The following RABEP1 variants were observed in gnomAD, a reference collection of about 807,000 sequenced individuals.
RABEP1 encodes rab GTPase-binding effector protein 1.
RABEP1 carries 51 observed loss-of-function variants against 123.4 expected under a neutral mutation model. The observed-to-expected ratio is 0.41, with a 90% confidence interval of 0.33 to 0.52. RABEP1 has a LOEUF of 0.52. Among genes scored for constraint, RABEP1 ranks in the 20% least tolerant of loss-of-function variants. The pLI is 0.16. For missense variants in RABEP1, 888 were observed against 996.3 expected, an observed-to-expected ratio of 0.89 and a Z score of 1.46; for synonymous variants, 347 against 355.2, an observed-to-expected ratio of 0.98 and a Z score of 0.26.
intron 15 of RABEP1, among the ~76,000 whole-genome samples, chr17:5,379,734 C>A (rs1426538574): frequency 2.0e-5 from 3 of 152,226 alleles, no homozygotes; most frequent in Non-Finnish European, 2.9e-5. Flanking sequence ...CCTAAATCAT[C>A]TCCATATTGA....
chr17:5,294,950 G>C (rs188902452), intron 1 of RABEP1, among the ~76,000 whole-genome samples: 1 of 151,430 alleles, frequency 6.6e-6, no homozygotes, highest in Non-Finnish European at 1.5e-5. Flanking sequence ...CCGGCCAACG[G>C]TATTGTCTTT....
Position 5,335,069 on chromosome 17 carries a change from A to G in RABEP1, c.368-115A>G, listed in dbSNP as rs541217061. 7.2e-6 allele frequency: 6 copies of G among 829,418 alleles called. No homozygotes were observed. In the South Asian group the frequency reaches 1.4e-4, roughly 19 times the overall value. The allele number at this position is 829,418 out of a possible 1,614,324, so 51.4% of individuals were successfully genotyped here. A position where few individuals can be genotyped will look rare whatever the true frequency, so the allele number is the denominator to read the frequency against. On this transcript the variant is annotated intron_variant, in intron 3 of 17. Coordinates refer to ENST00000537505, the MANE Select transcript of RABEP1 (RefSeq NM_004703.6). ...AGTTTGTCTTGTTTTTTAGTGAATTAAACATTTTCCAGAAATTAGACGTAA... is the reference window on the plus strand; with the variant it reads ...AGTTTGTCTTGTTTTTTAGTGAATTGAACATTTTCCAGAAATTAGACGTAA...
intron 6 of RABEP1, among the ~76,000 whole-genome samples, chr17:5,349,314 TGCTGGTCTAAG>T (rs1446824281): frequency 3.3e-5 from 5 of 152,142 alleles, no homozygotes; most frequent in Non-Finnish European, 7.4e-5. Context: ...AAGTCATAAG[TGCTGGTCTAAG>T]GCAGAAGCCA....
Position 5,362,978 on chromosome 17 carries a change from C to G in RABEP1, c.1630C>G (p.Gln544Glu), listed in dbSNP as rs774904645. The change falls in exon 10 of 18, where the codon CAA becomes GAA. Residue 544 changes from glutamine to glutamate, a missense_variant. Transcript: ENST00000537505. ...GTGTTCCAATTACGAAAAACAGTTA[C>G]AAGGAATTCAGATTCAGGAGGCTGA... ...DMCSNYEKQLQGIQIQEAETR... is the reference protein window; with the variant it reads ...DMCSNYEKQLEGIQIQEAETR... The G allele has an allele frequency of 1.9e-6, 3 of 1,613,734 alleles. No individual in the cohort carries two copies. Among genetic ancestry groups the G allele is most frequent in the East Asian group, 4.5e-5 (2 of 44,878 alleles).
At chr17:5,312,395 C>A (rs968542131) in intron 2 of RABEP1, among the ~76,000 whole-genome samples, 4 of 152,182 alleles carry the variant, frequency 2.6e-5, no homozygotes, top group Non-Finnish European at 5.9e-5. Flanking sequence ...AAATGATCTG[C>A]CCGCCTCAGC....
intron 2 of RABEP1, among the ~76,000 whole-genome samples, chr17:5,318,851 T>C (rs1311338275): frequency 6.6e-6 from 1 of 152,176 alleles, no homozygotes; most frequent in Non-Finnish European, 1.5e-5. Flanking sequence ...ATAAAAGTTA[T>C]ACACTGCAGC....
In RABEP1 at chr17:5,385,107, C is replaced by G; in HGVS notation, c.*1884C>G. The G allele has an allele frequency of 4.4e-6, 1 of 229,518 alleles. No homozygotes were observed. Among genetic ancestry groups the G allele is most frequent in the Non-Finnish European group, 8.6e-6 (1 of 115,746 alleles). 14.2% of individuals were successfully genotyped at this position (229,518 alleles called of 1,614,324 possible). On this transcript the variant is annotated 3_prime_UTR_variant, in exon 18 of 18. Transcript: ENST00000537505. ...TCACAATTAGGGAATGGTTAGTGGT[C>G]TCTACTGTGGCAAATGCCAACTGTT...
At position 5,282,571 on chromosome 17, in the gene RABEP1, G is replaced by GCGTCGC. The variant is rs1333652322; in HGVS notation, c.34+52_34+57dup. On this transcript the variant is annotated intron_variant, in intron 1 of 17. Coordinates refer to ENST00000537505, the MANE Select transcript of RABEP1 (RefSeq NM_004703.6). ...GGCGGGCGCGGCCTGCCCGGCGTCG[G>GCGTCGC]CGTCGCGGGAGGATTTCGGGGCGGG... The GCGTCGC allele has an allele frequency of 6.3e-6, 7 of 1,116,568 alleles. No individual in the cohort carries two copies. In the African/African-American group the frequency reaches 6.6e-5, roughly 11 times the overall value. 69.2% of individuals were successfully genotyped at this position (1,116,568 alleles called of 1,614,324 possible).
intron 1 of RABEP1, among the ~76,000 whole-genome samples, chr17:5,299,134 T>C (rs1429393194): frequency 6.6e-6 from 1 of 152,136 alleles, no homozygotes; most frequent in African/African-American, 2.4e-5. Flanking sequence ...GGAGGGGGTG[T>C]GGTGGGAGGA....
At chr17:5,364,710 CA>C (rs200314940) in intron 10 of RABEP1, among the ~76,000 whole-genome samples, 17,056 of 112,514 alleles carry the variant, frequency 0.15, 1,369 homozygotes, top group East Asian at 0.47. Flanking sequence ...ACTCTTGTCT[CA>C]AAAAAAAAAA....
intron 1 of RABEP1, among the ~76,000 whole-genome samples, chr17:5,291,080 G>A (rs763082898): frequency 5.3e-5 from 8 of 152,006 alleles, no homozygotes; most frequent in Non-Finnish European, 1.2e-4. Context: ...CAAAATTAAG[G>A]CTCCAATTTT....
chr17:5,297,741 T>TC (rs1376577500), intron 1 of RABEP1, among the ~76,000 whole-genome samples: 1 of 152,142 alleles, frequency 6.6e-6, no homozygotes, highest in Non-Finnish European at 1.5e-5. Context: ...CTATTATTAG[T>TC]CCCCCTTGTT....
chr17:5,348,440 A>G (rs1316038307), intron 6 of RABEP1, among the ~76,000 whole-genome samples: 1 of 152,256 alleles, frequency 6.6e-6, no homozygotes, highest in Non-Finnish European at 1.5e-5. Context: ...TTAGAATACA[A>G]GAGGCAATGG....
At chr17:5,339,881 T>G (rs1160089004) in intron 5 of RABEP1, among the ~76,000 whole-genome samples, 1 of 152,076 alleles carries the variant, frequency 6.6e-6, no homozygotes, top group African/African-American at 2.4e-5. Flanking sequence ...AAAGCTGATA[T>G]ACCAAGTGTA....
At chr17:5,300,443 G>A (rs1011962559) in intron 1 of RABEP1, among the ~76,000 whole-genome samples, 17 of 152,248 alleles carry the variant, frequency 1.1e-4, no homozygotes, top group African/African-American at 4.1e-4. Context: ...TTACATACAT[G>A]GCTTATCAGT....
At chr17:5,301,666 G>C (rs1002963386) in intron 1 of RABEP1, among the ~76,000 whole-genome samples, 2 of 151,966 alleles carry the variant, frequency 1.3e-5, no homozygotes, top group African/African-American at 4.8e-5. Flanking sequence ...TCTTAGACCA[G>C]TAACAGTCTG....
chr17:5,352,121 T>C (rs1282102373), intron 7 of RABEP1, among the ~76,000 whole-genome samples: 1 of 152,220 alleles, frequency 6.6e-6, no homozygotes, highest in Non-Finnish European at 1.5e-5. Flanking sequence ...TTTCTTCTTT[T>C]TTAAATTTCC....
Position 5,300,063 on chromosome 17 carries a change from G to A in RABEP1, c.35-8631G>A, listed in dbSNP as rs533183901. On this transcript the variant is annotated intron_variant, in intron 1 of 17. Transcript: ENST00000537505. ...TCTAAACTGCTTTTTCTCTCTGATT[G>A]GACTCCAGGCAAAACTGAGGGTTAT... 5.9e-5 allele frequency among the ~76,000 whole-genome samples: 9 copies of A among 152,052 alleles called. No homozygotes were observed. The South Asian group carries it at 1.9e-3, about 32-fold the overall frequency.
At chr17:5,327,608 T>C (rs1250011616) in intron 2 of RABEP1, among the ~76,000 whole-genome samples, 2 of 152,148 alleles carry the variant, frequency 1.3e-5, no homozygotes. Context: ...TTGGGGATGA[T>C]TTGCCATGAG....
Sources: gnomAD v4.1 joint callset for allele counts (sites outside exome capture counted in the v4.1 genomes callset) on GRCh38, gnomAD v4.1.1 for gene constraint, MANE v1.5 for transcripts, NCBI Gene and HGNC (gene_info 2026-07-23, HGNC 2026-07-21) for gene names.